Variants in PREB observed in about 807,000 individuals in gnomAD.
The protein encoded by PREB is guanine nucleotide-exchange factor SEC12.
A neutral mutation model predicts 46.7 loss-of-function variants in PREB; 29 were observed. The ratio of observed to expected loss-of-function variants is 0.62; its 90% CI spans 0.46 to 0.85. The LOEUF (loss-of-function observed/expected upper bound fraction) is 0.85, where lower values mean the gene tolerates loss of function less well. PREB is among the 40% of genes least tolerant of loss of function. PREB has a pLI of 0.00. For synonymous variants in PREB, 224 were observed against 220.1 expected (o/e 1.02, Z -0.16); for missense variants, 494 against 528.4 (o/e 0.93, Z 0.64).
At chr2:27,134,061 G>C (rs72810711) in intron 1 of PREB, 169,737 of 666,758 alleles carry the variant, frequency 0.25, 22,659 homozygotes, top group Admixed American at 0.38. Flanking sequence ...AAGCGTTCCT[G>C]GCGACTCTGC....
At position 27,133,368 on chromosome 2, in the gene PREB, G is replaced by T. The variant is rs752730699; in HGVS notation, c.326-31C>A. On this transcript the variant is annotated intron_variant, in intron 2 of 8. Transcript: ENST00000260643. ...ACACAAACACTTGGCCAGGTTCCAG[G>T]CTTCTACAGTAAGGAGTACTGGCCC... 2.5e-6 allele frequency: 4 copies of T among 1,612,308 alleles called. No individual in the cohort carries two copies. In the Admixed American group the frequency reaches 5.0e-5, roughly 20 times the overall value.
Position 27,130,840 on chromosome 2 carries a change from C to A in PREB, c.*574G>T. ...GGCTGAGGTTCATTTTCCCATTCCT[C>A]AAGGTAAGGGTAGACTACCTAGGAA... is the stretch of plus-strand genomic sequence containing the variant. On this transcript the variant is annotated 3_prime_UTR_variant, in exon 9 of 9. Transcript: ENST00000260643. The A allele has an allele frequency of 7.1e-7, 1 of 1,401,850 alleles. No individual in the cohort carries two copies. The allele number at this position is 1,401,850 out of a possible 1,614,324, so 86.8% of individuals were successfully genotyped here. A position where few individuals can be genotyped will look rare whatever the true frequency, so the allele number is the denominator to read the frequency against.
Position 27,130,846 on chromosome 2 carries a change from A to AGTCTACCCTTACCTTG in PREB, c.*567_*568insCAAGGTAAGGGTAGAC. On this transcript the variant is annotated 3_prime_UTR_variant, in exon 9 of 9. Coordinates refer to ENST00000260643, the MANE Select transcript of PREB (RefSeq NM_013388.6). ...GGTTCATTTTCCCATTCCTCAAGGT[A>AGTCTACCCTTACCTTG]AGGGTAGACTACCTAGGAACTTATT... The AGTCTACCCTTACCTTG allele has an allele frequency of 7.4e-7, 1 of 1,346,424 alleles. No homozygotes were observed. Among genetic ancestry groups the AGTCTACCCTTACCTTG allele is most frequent in the Non-Finnish European group, 1.0e-6 (1 of 967,712 alleles). 83.4% of individuals were successfully genotyped at this position (1,346,424 alleles called of 1,614,324 possible). A position where few individuals can be genotyped will look rare whatever the true frequency, so the allele number is the denominator to read the frequency against.
rs1421408454 is a variant in PREB, at chr2:27,132,809, T to G, written c.627+34A>C. 2 of 1,609,334 alleles carry G rather than the reference T, an allele frequency of 1.2e-6. No homozygotes were observed. The highest frequency in any genetic ancestry group is 1.7e-6 in the Non-Finnish European group (2 of 1,179,460). On this transcript the variant is annotated intron_variant, in intron 4 of 8. Transcript: ENST00000260643. This position sits in a 1 kb window ranked among gnomAD's most constrained non-coding sequence, Gnocchi z 4.0. Reference sequence around the variant, plus strand: ...AGCAGCATAAGCACCTCCTCTCTCCTTTCTCCATCCTCCTCCCACCCCCAG... The same window carrying G: ...AGCAGCATAAGCACCTCCTCTCTCCGTTCTCCATCCTCCTCCCACCCCCAG...
At position 27,134,362 on chromosome 2, in the gene PREB, C is replaced by T; in HGVS notation, c.60G>A (p.Gln20=). 6.2e-7 allele frequency: 1 copy of T among 1,611,242 alleles called. No homozygotes were observed. The highest frequency in any genetic ancestry group is 8.5e-7 in the Non-Finnish European group (1 of 1,179,416). Residue 20 remains glutamine (Q), a synonymous_variant, in exon 1 of 9, where the codon CAG becomes CAA. Transcript: ENST00000260643. ...TGAGCAGCCCAGTGCTGGGGTCGAC[C>T]TGAAGCGCGTACAACGGGAACGGAG... ...YRAPFPLYAL[Q]VDPSTGLLIA... is the part of the protein sequence containing the mutation.
In PREB at chr2:27,130,806, T is replaced by A. The variant is rs1672219894; in HGVS notation, c.*608A>T. On this transcript the variant is annotated 3_prime_UTR_variant, in exon 9 of 9. Coordinates refer to ENST00000260643, the MANE Select transcript of PREB (RefSeq NM_013388.6). ...TTGTTTATTAAATATCAACTTTTCC[T>A]GCCTAATGGGCTGAGGTTCATTTTC... is the stretch of plus-strand genomic sequence containing the variant. 1 of 1,554,326 alleles carries A rather than the reference T, an allele frequency of 6.4e-7. No homozygotes were observed. The highest frequency in any genetic ancestry group is 1.1e-5 in the South Asian group (1 of 88,658).
Position 27,134,285 on chromosome 2 carries a change from AC to A in PREB, c.135+1del. 1 of 1,601,598 alleles carries A rather than the reference AC, an allele frequency of 6.2e-7. No homozygotes were observed. Among genetic ancestry groups the A allele is most frequent in the Non-Finnish European group, 8.5e-7 (1 of 1,175,298 alleles). On this transcript the variant is annotated splice_donor_variant, in intron 1 of 8. Coordinates refer to ENST00000260643, the MANE Select transcript of PREB (RefSeq NM_013388.6). LOFTEE classifies it high-confidence loss of function. ...CCAGCCCCAGTGGCCCTGCGCTCTC[AC>A]CACGCCATTCTTTATGCCTGTCTTG... is the stretch of plus-strand genomic sequence containing the variant.
chr2:27,134,629 C>A lies in PREB; in HGVS notation c.-208G>T. 1 of 1,270,982 alleles carries A rather than the reference C, an allele frequency of 7.9e-7. No homozygotes were observed. Among genetic ancestry groups the A allele is most frequent in the South Asian group, 2.4e-5 (1 of 40,978 alleles). 78.7% of individuals were successfully genotyped at this position (1,270,982 alleles called of 1,614,324 possible). ...GCTCCGTCCAAGTCGGTCTCGCAGA[C>A]GCGCACTGCGCATGCGCACCTGTCT... On this transcript the variant is annotated 5_prime_UTR_variant, in exon 1 of 9. Transcript: ENST00000260643.
Position 27,130,807 on chromosome 2 carries a change from G to A in PREB, c.*607C>T. The A allele has an allele frequency of 1.3e-6, 2 of 1,548,918 alleles. No homozygotes were observed. The highest frequency in any genetic ancestry group is 1.1e-5 in the South Asian group (1 of 88,294). On this transcript the variant is annotated 3_prime_UTR_variant, in exon 9 of 9. Coordinates refer to ENST00000260643, the MANE Select transcript of PREB (RefSeq NM_013388.6). ...TGTTTATTAAATATCAACTTTTCCT[G>A]CCTAATGGGCTGAGGTTCATTTTCC...
rs1266328130 is a variant in PREB at position 27,132,567 on chromosome 2, T to C, written c.752+36A>G. 6.2e-7 allele frequency: 1 copy of C among 1,612,626 alleles called. No homozygotes were observed. The highest frequency in any genetic ancestry group is 8.5e-7 in the Non-Finnish European group (1 of 1,179,562). On this transcript the variant is annotated intron_variant, in intron 5 of 8. Transcript: ENST00000260643. This position sits in a 1 kb window ranked among gnomAD's most constrained non-coding sequence, Gnocchi z 4.0. ...TCCCTCTCCCCCACCACAGCTGGGC[T>C]ATGCCTCTTTCAGCCACCACCCAAA...
chr2:27,134,098 TAA>T, intron 1 of PREB, 187 bp downstream of exon 1: 1 of 809,846 alleles, frequency 1.2e-6, no homozygotes, highest in South Asian at 1.8e-5. Context: ...CACTTTACCT[TAA>T]AAGCCTCTCC....
At position 27,133,904 on chromosome 2, in the gene PREB, C is replaced by T. The variant is rs973321606; in HGVS notation, c.136-183G>A. On this transcript the variant is annotated intron_variant, in intron 1 of 8. Transcript: ENST00000260643. ...GTGAGCAGGACTGGGATTATTACCT[C>T]TATTTTACAGAACAGGGTGAAGCTC... is the stretch of plus-strand genomic sequence containing the variant. The T allele has an allele frequency of 5.5e-5, 36 of 649,208 alleles. No individual in the cohort carries two copies. In the Admixed American group the frequency reaches 6.3e-4, roughly 11 times the overall value. The allele number at this position is 649,208 out of a possible 1,614,324, so 40.2% of individuals were successfully genotyped here. A position where few individuals can be genotyped will look rare whatever the true frequency, so the allele number is the denominator to read the frequency against.
Position 27,132,510 on chromosome 2 carries a change from G to C in PREB, c.752+93C>G. The C allele has an allele frequency of 6.3e-7, 1 of 1,595,990 alleles. No individual in the cohort carries two copies. The highest frequency in any genetic ancestry group is 8.5e-7 in the Non-Finnish European group (1 of 1,169,770). ...TCAGACCTGGGGTAACACTCAACAA[G>C]TTCCTCCCCAGCTCTCCCATCCCCA... On this transcript the variant is annotated intron_variant, in intron 5 of 8. Transcript: ENST00000260643. The surrounding 1 kb of genome is among the most constrained non-coding windows in gnomAD (Gnocchi z 4.0).
Position 27,133,578 on chromosome 2 carries a change from C to G in PREB, c.279G>C (p.Leu93=), listed in dbSNP as rs780740442. The G allele has an allele frequency of 8.7e-6, 14 of 1,614,012 alleles. No individual in the cohort carries two copies. The highest frequency in any genetic ancestry group is 1.2e-5 in the Non-Finnish European group (14 of 1,179,984). The change falls in exon 2 of 9, where the codon CTG becomes CTC. Residue 93 remains leucine, a synonymous_variant. Transcript: ENST00000260643. ...AAGQDAHCQL[L]RFQAHQQQGN... is the part of the protein sequence containing the mutation. Reference sequence around the variant, plus strand: ...CCTGCTGTTGATGTGCCTGGAAGCGCAGGAGCTGACAGTGGGCATCCTGCC... The same window carrying G: ...CCTGCTGTTGATGTGCCTGGAAGCGGAGGAGCTGACAGTGGGCATCCTGCC...
rs745366093 is a variant in PREB, at chr2:27,130,778, T to G, written c.*636A>C. 1 of 1,597,532 alleles carries G rather than the reference T, an allele frequency of 6.3e-7. No individual in the cohort carries two copies. The highest frequency in any genetic ancestry group is 1.7e-5 in the Admixed American group (1 of 59,764). Reference sequence around the variant, plus strand: ...CCATTTGGGGTCTCAGTTCACTCTTTCCTTGTTTATTAAATATCAACTTTT... The same window carrying G: ...CCATTTGGGGTCTCAGTTCACTCTTGCCTTGTTTATTAAATATCAACTTTT... On this transcript the variant is annotated 3_prime_UTR_variant, in exon 9 of 9. Coordinates refer to ENST00000260643, the MANE Select transcript of PREB (RefSeq NM_013388.6).
In PREB at chr2:27,134,631, C is replaced by A; in HGVS notation, c.-210G>T. The A allele has an allele frequency of 7.9e-7, 1 of 1,271,960 alleles. No individual in the cohort carries two copies. The highest frequency in any genetic ancestry group is 1.0e-6 in the Non-Finnish European group (1 of 1,004,408). The allele number at this position is 1,271,960 out of a possible 1,614,324, so 78.8% of individuals were successfully genotyped here. A position where few individuals can be genotyped will look rare whatever the true frequency, so the allele number is the denominator to read the frequency against. ...TCCGTCCAAGTCGGTCTCGCAGACG[C>A]GCACTGCGCATGCGCACCTGTCTCG... On this transcript the variant is annotated 5_prime_UTR_variant, in exon 1 of 9. Transcript: ENST00000260643.
intron 8 of PREB, 36 bp downstream of exon 8, chr2:27,131,633 CGTG>C: frequency 6.2e-7 from 1 of 1,608,774 alleles, no homozygotes; most frequent in Non-Finnish European, 8.5e-7. Context: ...GGTCATTAAA[CGTG>C]GGGTGGTGCC....
rs1672295292 is a variant in PREB at position 27,131,966 on chromosome 2, G to A, written c.999+44C>T. 3 of 1,600,034 alleles carry A rather than the reference G, an allele frequency of 1.9e-6. No homozygotes were observed. The Admixed American group carries it at 5.0e-5, about 27-fold the overall frequency. On this transcript the variant is annotated intron_variant, in intron 7 of 8. Coordinates refer to ENST00000260643, the MANE Select transcript of PREB (RefSeq NM_013388.6). The stretch of plus-strand genomic sequence containing the variant: ...TCCTGCAAACTCAGGGTAGAGACAG[G>A]CCTACAGTCCACCCACAGGGCCATG...
Position 27,132,188 on chromosome 2 carries a change from C to T in PREB, c.926+42G>A, listed in dbSNP as rs1672306360. On this transcript the variant is annotated intron_variant, in intron 6 of 8. Coordinates refer to ENST00000260643, the MANE Select transcript of PREB (RefSeq NM_013388.6). This position sits in a 1 kb window ranked among gnomAD's most constrained non-coding sequence, Gnocchi z 4.0. ...CAGGCAGGACTCCTTTCCAAGCTCCCTCAGGGACCCCCTACCTAGCCAAGG... is the reference window on the plus strand; with the variant it reads ...CAGGCAGGACTCCTTTCCAAGCTCCTTCAGGGACCCCCTACCTAGCCAAGG... 2 of 1,613,280 alleles carry T rather than the reference C, an allele frequency of 1.2e-6. No homozygotes were observed. The highest frequency in any genetic ancestry group is 1.3e-5 in the African/African-American group (1 of 75,050).
Sources: gnomAD v4.1 joint callset for allele counts on GRCh38, gnomAD v4.1.1 for gene constraint, Gnocchi (gnomAD v3.1) non-coding constraint, MANE v1.5 for transcripts, NCBI Gene and HGNC (gene_info 2026-07-23, HGNC 2026-07-21) for gene names.